SHOC1: variants seen among roughly 807,000 people sequenced by gnomAD.
SHOC1 encodes protein shortage in chiasmata 1 ortholog.
A neutral mutation model predicts 179.2 loss-of-function variants in SHOC1; 136 were observed. The observed-to-expected ratio is 0.76, with a 90% CI of 0.66 to 0.87. The LOEUF (loss-of-function observed/expected upper bound fraction) is 0.87, where lower values mean the gene tolerates loss of function less well. Ranked by LOEUF, SHOC1 falls within the 40% of genes least tolerant of loss-of-function variation. The pLI is 0.00. For missense variants in SHOC1, 1,538 were observed against 1,700.8 expected, an observed-to-expected ratio of 0.90 and a Z score of 1.68; for synonymous variants, 489 against 586.6, an observed-to-expected ratio of 0.83 and a Z score of 2.41.
At chr9:111,702,301 A>AT in intron 22 of SHOC1, 75 bp from the exon 23 acceptor site, 1 of 1,004,166 alleles carries the variant, frequency 1.0e-6, no homozygotes, top group Non-Finnish European at 1.5e-6. Flanking sequence ...TCATTATTTC[A>AT]AGAATCTATG....
intron 12 of SHOC1, among the ~76,000 whole-genome samples, chr9:111,731,792 A>C (rs964972327): frequency 6.6e-5 from 10 of 150,782 alleles, no homozygotes; most frequent in African/African-American, 2.2e-4. Flanking sequence ...ATAACTAATG[A>C]GATTAAAATA....
At chr9:111,706,080 TTTATG>T (rs1163848051) in intron 20 of SHOC1, among the ~76,000 whole-genome samples, 1 of 152,048 alleles carries the variant, frequency 6.6e-6, no homozygotes, top group Non-Finnish European at 1.5e-5. Flanking sequence ...ATGTATCAGA[TTTATG>T]GATCTGAGAA....
At chr9:111,750,328 CTTCTTCTTT>C (rs1169904487) in intron 8 of SHOC1, among the ~76,000 whole-genome samples, 1 of 151,352 alleles carries the variant, frequency 6.6e-6, no homozygotes, top group Non-Finnish European at 1.5e-5. Flanking sequence ...GCATGTACGT[CTTCTTCTTT>C]TTCTTCTTTT....
At chr9:111,706,463 A>G (rs1488216033) in intron 20 of SHOC1, 105 bp downstream of exon 20, 10 of 803,830 alleles carry the variant, frequency 1.2e-5, no homozygotes, top group African/African-American at 1.8e-5. Context: ...GGTTGAACTC[A>G]AGGCTTCTAA....
chr9:111,791,341 C>T, intron 2 of SHOC1, 33 bp downstream of exon 2: 1 of 1,287,054 alleles, frequency 7.8e-7, no homozygotes, highest in Non-Finnish European at 1.0e-6. Context: ...TCATAATTCT[C>T]AGTAAATAGA....
At chr9:111,724,593 C>A (rs1833216275) in intron 13 of SHOC1, among the ~76,000 whole-genome samples, 1 of 152,020 alleles carries the variant, frequency 6.6e-6, no homozygotes, top group South Asian at 2.1e-4. Flanking sequence ...CTCCTGGGCT[C>A]AAGGGATCTG....
intron 5 of SHOC1, among the ~76,000 whole-genome samples, chr9:111,767,819 G>C (rs142108532): frequency 6.3e-4 from 96 of 152,116 alleles, no homozygotes; most frequent in African/African-American, 2.2e-3. Flanking sequence ...CAATCCATGA[G>C]TATGAAATAT....
At chr9:111,793,664 T>C (rs10123030) in intron 1 of SHOC1, among the ~76,000 whole-genome samples, 1 of 144,684 alleles carries the variant, frequency 6.9e-6, no homozygotes, top group African/African-American at 2.5e-5. Flanking sequence ...AGTTTTGAAT[T>C]GCAGCAATTC....
intron 5 of SHOC1, among the ~76,000 whole-genome samples, chr9:111,761,331 CT>C (rs1345992963): frequency 6.6e-6 from 1 of 151,878 alleles, no homozygotes; most frequent in Non-Finnish European, 1.5e-5. Context: ...GCGAAACCCC[CT>C]CTCTACTAAA....
Position 111,713,209 on chromosome 9 carries a change from A to G in SHOC1, c.2416-37T>C, listed in dbSNP as rs757654568. The G allele has an allele frequency of 3.5e-6, 4 of 1,141,926 alleles. No individual in the cohort carries two copies. The East Asian group carries it at 7.5e-5, about 21-fold the overall frequency. The allele number at this position is 1,141,926 out of a possible 1,614,324, so 70.7% of individuals were successfully genotyped here. A position where few individuals can be genotyped will look rare whatever the true frequency, so the allele number is the denominator to read the frequency against. The stretch of plus-strand genomic sequence containing the variant: ...TAAAAATTTCATATATATGTGGATG[A>G]TTATTCTTTTTCACAGTTTTGATAC... On this transcript the variant is annotated intron_variant, in intron 17 of 27. Coordinates refer to ENST00000682961, the MANE Select transcript of SHOC1 (RefSeq NM_001378211.1).
Position 111,722,600 on chromosome 9 carries a change from G to A in SHOC1, c.1955-15C>T, listed in dbSNP as rs1833114181. The A allele has an allele frequency of 6.3e-7, 1 of 1,582,112 alleles. No individual in the cohort carries two copies. The highest frequency in any genetic ancestry group is 2.1e-5 in the Admixed American group (1 of 48,626). On this transcript the variant is annotated splice_polypyrimidine_tract_variant and intron_variant, in intron 14 of 27. Coordinates refer to ENST00000682961, the MANE Select transcript of SHOC1 (RefSeq NM_001378211.1). ...GCACTGGCTATCTGCAAAAATAAAA[G>A]CATTAATGGCAGTGTTTTAATAAAG...
chr9:111,701,262 A>T (rs999423255), intron 23 of SHOC1, among the ~76,000 whole-genome samples: 1 of 152,176 alleles, frequency 6.6e-6, no homozygotes, highest in Non-Finnish European at 1.5e-5. Flanking sequence ...GTTGATTAAG[A>T]TACTTCCTAA....
At position 111,775,001 on chromosome 9, in the gene SHOC1, A is replaced by T. The variant is rs576771497; in HGVS notation, c.442+790T>A. Among the ~76,000 whole-genome samples, 291 of 150,740 alleles carry T rather than the reference A, an allele frequency of 1.9e-3. 2 individuals carry two copies. Among genetic ancestry groups the T allele is most frequent in the African/African-American group, 5.6e-3 (231 of 41,076 alleles). On this transcript the variant is annotated intron_variant, in intron 5 of 27. Transcript: ENST00000682961. ...GTTTGAATAAAATATACTTAAAAAAAAATTTTTTTTTTGAGATTCAGTCTT... is the reference window on the plus strand; with the variant it reads ...GTTTGAATAAAATATACTTAAAAAATAATTTTTTTTTTGAGATTCAGTCTT...
intron 15 of SHOC1, among the ~76,000 whole-genome samples, chr9:111,722,127 C>A (rs534157030): frequency 8.2e-4 from 125 of 152,234 alleles, no homozygotes; most frequent in Admixed American, 1.0e-3. Context: ...GGTTCATATG[C>A]TGACAATAAT....
chr9:111,703,023 T>C (rs10817210), intron 22 of SHOC1, among the ~76,000 whole-genome samples: 8,380 of 152,132 alleles, frequency 0.055, 569 homozygotes, highest in African/African-American at 0.16. Flanking sequence ...GATAGGAGGA[T>C]CACTCGAGCC....
intron 5 of SHOC1, among the ~76,000 whole-genome samples, chr9:111,762,665 C>T (rs182512492): frequency 7.1e-4 from 108 of 152,198 alleles, no homozygotes; most frequent in African/African-American, 2.4e-3. Flanking sequence ...ATTCAATCCT[C>T]ATTCATGATT....
intron 5 of SHOC1, chr9:111,759,228 GTCTTC>G (rs1564154095): frequency 6.2e-7 from 1 of 1,613,598 alleles, no homozygotes; most frequent in African/African-American, 1.3e-5. Context: ...GCTGACCTTG[GTCTTC>G]TCTGCATCAT....
rs1490759342 is a variant in SHOC1 at position 111,705,258 on chromosome 9, C to T, written c.2844G>A (p.Leu948=). 6.6e-7 allele frequency: 1 copy of T among 1,524,674 alleles called. No individual in the cohort carries two copies. Among genetic ancestry groups the T allele is most frequent in the Non-Finnish European group, 8.9e-7 (1 of 1,125,198 alleles). The allele number at this position is 1,524,674 out of a possible 1,614,324, so 94.4% of individuals were successfully genotyped here. ...AATCAATAACTTACTTGGATTCTAG[C>T]AGCTGAAGTATGTCTGGAGTATTAA... ...GLLNTPDILQ[L]LESNYNISLV... Residue 948 remains leucine, a synonymous_variant, in exon 21 of 28, where the codon CTG becomes CTA. Coordinates refer to ENST00000682961, the MANE Select transcript of SHOC1 (RefSeq NM_001378211.1).
intron 26 of SHOC1, among the ~76,000 whole-genome samples, chr9:111,692,931 G>A (rs1436600561): frequency 6.6e-6 from 1 of 152,164 alleles, no homozygotes; most frequent in East Asian, 1.9e-4. Flanking sequence ...GTATATAACT[G>A]AATTTTCTAT....
Sources: gnomAD v4.1 joint callset for allele counts (sites outside exome capture counted in the v4.1 genomes callset) on GRCh38, gnomAD v4.1.1 for gene constraint, MANE v1.5 for transcripts, NCBI Gene and HGNC (gene_info 2026-07-23, HGNC 2026-07-21) for gene names.